The following PTPRO variants were observed in gnomAD, a reference collection of about 807,000 sequenced individuals.
PTPRO encodes the protein receptor-type tyrosine-protein phosphatase O.
Under a neutral mutation model 145.2 loss-of-function variants are expected in PTPRO, and 62 were observed. The observed-to-expected ratio is 0.43, with a 90% confidence interval of 0.35 to 0.53. The LOEUF (loss-of-function observed/expected upper bound fraction) is 0.53. Ranked by LOEUF, PTPRO falls within the 20% of genes least tolerant of loss-of-function variation. The pLI is 0.01. For synonymous variants in PTPRO, 565 were observed against 514.7 expected, an observed-to-expected ratio of 1.10 and a Z score of -1.32; for missense variants, 1,345 against 1,482.7, an observed-to-expected ratio of 0.91 and a Z score of 1.53.
At chr12:15,563,668 ATG>A (rs982355450) in intron 17 of PTPRO, among the ~76,000 whole-genome samples, 2 of 152,308 alleles carry the variant, frequency 1.3e-5, no homozygotes, top group African/African-American at 4.8e-5. Flanking sequence ...AAGAAAAAAA[ATG>A]TGTCTCTCCT....
At chr12:15,509,845 C>A (rs1424987148) in intron 7 of PTPRO, among the ~76,000 whole-genome samples, 1 of 152,064 alleles carries the variant, frequency 6.6e-6, no homozygotes, top group African/African-American at 2.4e-5. Flanking sequence ...TTGTGAGTGG[C>A]TAGCAGAAGG....
chr12:15,505,991 A>C (rs1942313611), intron 6 of PTPRO, among the ~76,000 whole-genome samples: 1 of 152,208 alleles, frequency 6.6e-6, no homozygotes, highest in Non-Finnish European at 1.5e-5. Context: ...ATACATACTG[A>C]ATCGCAGAAA....
intron 1 of PTPRO, among the ~76,000 whole-genome samples, chr12:15,402,478 A>T (rs1219712612): frequency 6.6e-6 from 1 of 152,148 alleles, no homozygotes; most frequent in Non-Finnish European, 1.5e-5. Flanking sequence ...TGGAATCCTC[A>T]ACTACAAAAT....
At chr12:15,571,483 T>G (rs2135614659) in intron 19 of PTPRO, among the ~76,000 whole-genome samples, 1 of 152,260 alleles carries the variant, frequency 6.6e-6, no homozygotes, top group South Asian at 2.1e-4. Flanking sequence ...AGACAGGGTT[T>G]CACCATATTG....
chr12:15,398,132 C>T (rs952714641), intron 1 of PTPRO, among the ~76,000 whole-genome samples: 4 of 152,076 alleles, frequency 2.6e-5, no homozygotes, highest in African/African-American at 4.8e-5. Flanking sequence ...CTAAAGTGGT[C>T]GTGATGGGTC....
Position 15,322,855 on chromosome 12 carries a change from C to A in PTPRO, c.75+54C>A, listed in dbSNP as rs1866339397. 21 of 1,563,654 alleles carry A rather than the reference C, an allele frequency of 1.3e-5. No individual in the cohort carries two copies. The highest frequency in any genetic ancestry group is 2.3e-4 in the Middle Eastern group (1 of 4,426). On this transcript the variant is annotated intron_variant, in intron 1 of 26. Coordinates refer to ENST00000281171, the MANE Select transcript of PTPRO (RefSeq NM_030667.3). This position sits in a 1 kb window ranked among gnomAD's most constrained non-coding sequence, Gnocchi z 6.3. The stretch of plus-strand genomic sequence containing the variant: ...CAGCGGTCCGGGCGGCAGCCGCGCT[C>A]CGGCGCCCTCGCTCTGCCGTTGGGA...
intron 1 of PTPRO, among the ~76,000 whole-genome samples, chr12:15,373,732 C>A (rs58290818): frequency 0.15 from 22,176 of 152,148 alleles, 3,651 homozygotes; most frequent in African/African-American, 0.4. Flanking sequence ...ATATTGACTT[C>A]ATCCTTCTTG....
chr12:15,460,607 A>G (rs537856860), intron 1 of PTPRO, among the ~76,000 whole-genome samples: 2 of 152,228 alleles, frequency 1.3e-5, no homozygotes, highest in Non-Finnish European at 2.9e-5. Flanking sequence ...GCTCTACAGC[A>G]TGCCCACAGA....
In PTPRO at chr12:15,501,666, C is replaced by G. The variant is rs1465926140; in HGVS notation, c.708C>G (p.Asn236Lys). The change falls in exon 5 of 27, where the codon AAC becomes AAG. Residue 236 changes from asparagine (N) to lysine (K), a missense_variant. Asn to Lys is a moderately conservative substitution (Grantham distance 94). Coordinates refer to ENST00000281171, the MANE Select transcript of PTPRO (RefSeq NM_030667.3). ...TTTCCGTTCGTATCGTAAACTTGAA[C>G]AAAAACAACTGGGAAGAACAGAGTG... Reference protein sequence around the residue: ...QNISVRIVNLNKNNWEEQSGN... With the variant: ...QNISVRIVNLKKNNWEEQSGN... The G allele has an allele frequency of 1.2e-6, 2 of 1,613,872 alleles. No individual in the cohort carries two copies. Among genetic ancestry groups the G allele is most frequent in the South Asian group, 1.1e-5 (1 of 91,058 alleles).
intron 1 of PTPRO, among the ~76,000 whole-genome samples, chr12:15,423,089 A>G (rs1304330388): frequency 2.0e-5 from 3 of 152,234 alleles, no homozygotes; most frequent in Non-Finnish European, 4.4e-5. Flanking sequence ...AGCACTTTAG[A>G]GAAATTGAAG....
intron 12 of PTPRO, among the ~76,000 whole-genome samples, chr12:15,540,318 C>A (rs1943155605): frequency 6.6e-6 from 1 of 152,126 alleles, no homozygotes; most frequent in Non-Finnish European, 1.5e-5. Flanking sequence ...AGACTTATGA[C>A]AATATAGATG....
rs1981754 is a variant in PTPRO, at chr12:15,597,829, G to A, written c.*1756G>A. On this transcript the variant is annotated 3_prime_UTR_variant, in exon 27 of 27. Transcript: ENST00000281171. ...TTCCCTTTTTGGACATTTTAATAAT[G>A]TGTCGCACCATTCTCAGGAACAAAC... Among the ~76,000 whole-genome samples, 145,087 of 152,224 alleles carry A rather than the reference G, an allele frequency of 0.95. 69,557 individuals carry two copies. Among genetic ancestry groups the A allele is most frequent in the East Asian group, 1 (5,167 of 5,168 alleles).
chr12:15,585,928 TG>T, intron 23 of PTPRO, among the ~76,000 whole-genome samples: 1 of 152,288 alleles, frequency 6.6e-6, no homozygotes, highest in East Asian at 1.9e-4. Context: ...ATTTGATGTA[TG>T]GGTTAATAGG....
chr12:15,387,423 A>G (rs1172383913), intron 1 of PTPRO, among the ~76,000 whole-genome samples: 2 of 152,190 alleles, frequency 1.3e-5, no homozygotes, highest in Non-Finnish European at 2.9e-5. Flanking sequence ...AATTTCCCAG[A>G]CAATCAGTTG....
chr12:15,376,378 A>G (rs1938687905), intron 1 of PTPRO, among the ~76,000 whole-genome samples: 4 of 152,178 alleles, frequency 2.6e-5, no homozygotes, highest in African/African-American at 7.2e-5. Flanking sequence ...AATGAAGGAG[A>G]GATTGAGATA....
chr12:15,430,824 C>T (rs181435557), intron 1 of PTPRO, among the ~76,000 whole-genome samples: 52 of 151,906 alleles, frequency 3.4e-4, no homozygotes, highest in Non-Finnish European at 4.4e-4. Context: ...TTATGTTGTA[C>T]GGTATAAATA....
chr12:15,402,938 A>G (rs1473220222), intron 1 of PTPRO, among the ~76,000 whole-genome samples: 1 of 152,174 alleles, frequency 6.6e-6, no homozygotes, highest in African/African-American at 2.4e-5. Context: ...CACCAAATGC[A>G]CTGTAGAGTC....
chr12:15,580,573 T>G, intron 21 of PTPRO, 124 bp from the exon 22 acceptor site: 2 of 1,081,658 alleles, frequency 1.8e-6, no homozygotes, highest in Non-Finnish European at 2.8e-6. Context: ...AAACATTACA[T>G]AGGTGTGTGA....
chr12:15,558,580 C>T (rs920181821), intron 16 of PTPRO, among the ~76,000 whole-genome samples: 1 of 152,198 alleles, frequency 6.6e-6, no homozygotes, highest in Non-Finnish European at 1.5e-5. Flanking sequence ...ACATGTACTA[C>T]TTACATGGTC....
Sources: gnomAD v4.1 joint callset for allele counts (sites outside exome capture counted in the v4.1 genomes callset) on GRCh38, gnomAD v4.1.1 for gene constraint, Gnocchi (gnomAD v3.1) non-coding constraint, MANE v1.5 for transcripts, NCBI Gene and HGNC (gene_info 2026-07-23, HGNC 2026-07-21) for gene names.